The following ETV6 variants were observed in gnomAD, a reference collection of about 807,000 sequenced individuals.
ETV6 encodes ETS variant transcription factor 6.
In ETV6, 16 loss-of-function variants were observed where a neutral mutation model predicts 51.1. That is an observed-to-expected ratio of 0.31 (90% CI 0.21 to 0.48). ETV6 has a LOEUF of 0.48. ETV6 is among the 20% of genes least tolerant of loss of function. ETV6 has a pLI of 0.99. For synonymous variants in ETV6, 240 were observed against 224.1 expected, an observed-to-expected ratio of 1.07 and a Z score of -0.64; for missense variants, 458 against 594.8, an observed-to-expected ratio of 0.77 and a Z score of 2.39.
rs987893531 is a variant in ETV6 at position 11,895,092 on chromosome 12, A to G, written c.*4046A>G. 1.5e-4 allele frequency: 35 copies of G among 227,812 alleles called. 1 individual carries two copies. In the Admixed American group the frequency reaches 1.7e-3, roughly 11 times the overall value. The allele number at this position is 227,812 out of a possible 1,614,324, so 14.1% of individuals were successfully genotyped here. A position where few individuals can be genotyped will look rare whatever the true frequency, so the allele number is the denominator to read the frequency against. On this transcript the variant is annotated 3_prime_UTR_variant, in exon 8 of 8. Coordinates refer to ENST00000396373, the MANE Select transcript of ETV6 (RefSeq NM_001987.5). Reference sequence around the variant, plus strand: ...TTTGACCCAACTGCATCAACACTAAACAGCTGCAGACCCCCTGAATCTTTC... The same window carrying G: ...TTTGACCCAACTGCATCAACACTAAGCAGCTGCAGACCCCCTGAATCTTTC...
chr12:11,653,764 TGG>T (rs1054587069), intron 1 of ETV6, among the ~76,000 whole-genome samples: 2 of 152,084 alleles, frequency 1.3e-5, no homozygotes, highest in Non-Finnish European at 2.9e-5. Flanking sequence ...AGAGCACTCC[TGG>T]GGGGTCTGTC....
chr12:11,670,903 C>T (rs2856308), intron 1 of ETV6, among the ~76,000 whole-genome samples: 139,028 of 152,286 alleles, frequency 0.91, 64,393 homozygotes, highest in Non-Finnish European at 0.99. Context: ...TCATTTATAA[C>T]GAAGAGTCAC....
intron 1 of ETV6, among the ~76,000 whole-genome samples, chr12:11,661,338 C>T (rs890886089): frequency 1.4e-4 from 22 of 152,176 alleles, no homozygotes; most frequent in Admixed American, 9.8e-4. Context: ...TTTAAAGATC[C>T]GTGTCATGAG....
chr12:11,718,006 C>G (rs545265835), intron 1 of ETV6, among the ~76,000 whole-genome samples: 1 of 152,110 alleles, frequency 6.6e-6, no homozygotes, highest in South Asian at 2.1e-4. Flanking sequence ...CAGAATGCCA[C>G]CTTTTAAAAC....
intron 2 of ETV6, among the ~76,000 whole-genome samples, chr12:11,823,600 G>T (rs1946113115): frequency 6.6e-6 from 1 of 151,662 alleles, no homozygotes; most frequent in African/African-American, 2.4e-5. Flanking sequence ...CCAAGTAACT[G>T]GGATGACAGG....
chr12:11,727,649 T>C (rs1424071231), intron 1 of ETV6, among the ~76,000 whole-genome samples: 1 of 150,838 alleles, frequency 6.6e-6, no homozygotes, highest in East Asian at 2.0e-4. Flanking sequence ...GTGACGTACA[T>C]GGTCATGAAA....
At chr12:11,720,249 C>A (rs1388451349) in intron 1 of ETV6, among the ~76,000 whole-genome samples, 1 of 152,164 alleles carries the variant, frequency 6.6e-6, no homozygotes, top group African/African-American at 2.4e-5. Context: ...CCCTAATAAG[C>A]CTTGAGAGTG....
chr12:11,735,790 G>A (rs1309677221), intron 1 of ETV6, among the ~76,000 whole-genome samples: 2 of 152,160 alleles, frequency 1.3e-5, no homozygotes, highest in Non-Finnish European at 2.9e-5. Flanking sequence ...AGTAGAAACG[G>A]GGTTTCACCA....
intron 3 of ETV6, among the ~76,000 whole-genome samples, chr12:11,843,142 A>G (rs542184018): frequency 1.3e-5 from 2 of 152,372 alleles, no homozygotes; most frequent in South Asian, 4.1e-4. Context: ...GCCTGCCAGC[A>G]GGGCCTGTAG....
intron 1 of ETV6, among the ~76,000 whole-genome samples, chr12:11,707,431 T>C (rs906728308): frequency 6.6e-6 from 1 of 152,350 alleles, no homozygotes. Flanking sequence ...ATCCTAGTTG[T>C]GCACTGCGTT....
At chr12:11,795,035 G>A (rs1289738928) in intron 2 of ETV6, among the ~76,000 whole-genome samples, 2 of 152,142 alleles carry the variant, frequency 1.3e-5, no homozygotes, top group South Asian at 2.1e-4. Context: ...TGTGATACTC[G>A]CCTAATCCAT....
chr12:11,666,400 A>G (rs1417552512), intron 1 of ETV6, among the ~76,000 whole-genome samples: 1 of 152,222 alleles, frequency 6.6e-6, no homozygotes, highest in Admixed American at 6.5e-5. Context: ...GACTGGGCAT[A>G]CTATGGGACT....
At chr12:11,871,197 C>CTTTTTTT (rs569181747) in intron 5 of ETV6, among the ~76,000 whole-genome samples, 2 of 138,276 alleles carry the variant, frequency 1.4e-5, no homozygotes, top group Non-Finnish European at 3.1e-5. Context: ...GGTACTGTCC[C>CTTTTTTT]TTTTTTTTTT....
At chr12:11,879,094 CTTTT>C (rs952109532) in intron 5 of ETV6, among the ~76,000 whole-genome samples, 1 of 151,410 alleles carries the variant, frequency 6.6e-6, no homozygotes, top group Non-Finnish European at 1.5e-5. Context: ...TTAGTAGCAA[CTTTT>C]TTTTTCATAT....
At position 11,796,568 on chromosome 12, in the gene ETV6, A is replaced by G. The variant is rs2723822; in HGVS notation, c.164-42572A>G. 1.0e-2 allele frequency among the ~76,000 whole-genome samples: 1,517 copies of G among 152,258 alleles called. 26 individuals are homozygous for G. Among genetic ancestry groups the G allele is most frequent in the African/African-American group, 0.035 (1,436 of 41,534 alleles). The stretch of plus-strand genomic sequence containing the variant: ...TCCCAAGTGTTTAGGGGCATTAAAG[A>G]CACTGGCCATCCTAAAGGCGCCTCT... On this transcript the variant is annotated intron_variant, in intron 2 of 7. Coordinates refer to ENST00000396373, the MANE Select transcript of ETV6 (RefSeq NM_001987.5).
chr12:11,850,531 A>G (rs568042242), intron 3 of ETV6, among the ~76,000 whole-genome samples: 2 of 152,340 alleles, frequency 1.3e-5, no homozygotes, highest in African/African-American at 4.8e-5. Context: ...CAGGAATAGT[A>G]ATGATGGGAG....
At chr12:11,663,416 G>A (rs1453195681) in intron 1 of ETV6, among the ~76,000 whole-genome samples, 1 of 152,196 alleles carries the variant, frequency 6.6e-6, no homozygotes, top group Non-Finnish European at 1.5e-5. Context: ...TTATTCCAGG[G>A]TTTGTGCTTG....
chr12:11,886,158 G>A (rs369889889), intron 7 of ETV6, 132 bp downstream of exon 7: 107 of 674,814 alleles, frequency 1.6e-4, no homozygotes, highest in South Asian at 1.1e-3. Flanking sequence ...GCTACAAACT[G>A]GATACCAGGT....
At chr12:11,802,224 G>C (rs1008811612) in intron 2 of ETV6, among the ~76,000 whole-genome samples, 1 of 152,158 alleles carries the variant, frequency 6.6e-6, no homozygotes, top group Non-Finnish European at 1.5e-5. Context: ...AAGTCCAAGC[G>C]TACAGAAGCC....
Sources: allele counts gnomAD v4.1 joint callset (sites outside exome capture counted in the v4.1 genomes callset), GRCh38; gene constraint gnomAD v4.1.1; transcripts MANE v1.5; gene names NCBI Gene and HGNC (gene_info 2026-07-23, HGNC 2026-07-21).